LAMA5: variants seen among roughly 807,000 people sequenced by gnomAD.
LAMA5 encodes laminin subunit alpha-5.
In LAMA5, 260 loss-of-function variants were observed where a neutral mutation model predicts 433.4. The observed-to-expected ratio is 0.60, with a 90% CI of 0.54 to 0.66. LAMA5 has a LOEUF of 0.66. Ranked by LOEUF, LAMA5 falls within the 30% of genes least tolerant of loss-of-function variation. The pLI, the probability that LAMA5 is intolerant of heterozygous loss-of-function variation, is 0.00. For missense variants in LAMA5, 5,378 were observed against 5,258.5 expected, an observed-to-expected ratio of 1.02 and a Z score of -0.70; for synonymous variants, 2,620 against 2,226.6, an observed-to-expected ratio of 1.18 and a Z score of -4.97.
chr20:62,323,234 G>GGGGCCTGATCGCTGGGGCGGGA (rs879307764), intron 45 of LAMA5, among the ~76,000 whole-genome samples: 77 of 132,302 alleles, frequency 5.8e-4, no homozygotes, highest in African/African-American at 1.3e-3. Context: ...TGATGGTGAA[G>GGGGCCTGATCGCTGGGGCGGGA]GGGCCTGATC....
Position 62,338,308 on chromosome 20 carries a change from G to C in LAMA5, c.1680C>G (p.Cys560Trp). 6.2e-7 allele frequency: 1 copy of C among 1,606,062 alleles called. No individual in the cohort carries two copies. Among genetic ancestry groups the C allele is most frequent in the Non-Finnish European group, 8.5e-7 (1 of 1,176,756 alleles). The change falls in exon 13 of 80, where the codon TGC (cysteine) becomes TGG (tryptophan). Residue 560 changes from cysteine (C) to tryptophan (W), a missense_variant. Transcript: ENST00000252999. ...DDRCDPDTGQ[C>W]RCRVGFEGAT... is the part of the protein sequence containing the mutation. ...CCCCCTCGAAGCCCACTCGGCACCT[G>C]CACTGGCCTGTGTCAGGGTCACAGC...
At chr20:62,330,641 G>A in intron 30 of LAMA5, 27 bp from the exon 31 acceptor site, 1 of 1,579,210 alleles carries the variant, frequency 6.3e-7, no homozygotes, top group African/African-American at 1.3e-5. Flanking sequence ...TAGTGAGCAG[G>A]CTGAGCTATG....
At chr20:62,346,640 A>AC (rs1249871626) in intron 8 of LAMA5, 42 bp downstream of exon 8, 1 of 1,610,160 alleles carries the variant, frequency 6.2e-7, no homozygotes, top group East Asian at 2.2e-5. Flanking sequence ...TCCCTGCCCC[A>AC]CCTCAGGGCC....
At position 62,316,956 on chromosome 20, in the gene LAMA5, G is replaced by A. The variant is rs756250563; in HGVS notation, c.7579C>T (p.Arg2527Cys). 1.8e-5 allele frequency: 29 copies of A among 1,569,254 alleles called. No homozygotes were observed. The highest frequency in any genetic ancestry group is 1.1e-4 in the East Asian group (5 of 44,038). ...RAIEASNAYSRILQAVQAAED... is the reference protein window; with the variant it reads ...RAIEASNAYSCILQAVQAAED... ...GCAGCCTGCACGGCCTGCAGGATGC[G>A]GCTGTAGGCGTTGGAGGCCTCGATG... The change falls in exon 56 of 80, where the codon CGC becomes TGC. Residue 2527 changes from arginine to cysteine, a missense_variant. Coordinates refer to ENST00000252999, the MANE Select transcript of LAMA5 (RefSeq NM_005560.6).
Position 62,325,505 on chromosome 20 carries a change from G to A in LAMA5, c.5340C>T (p.Arg1780=), listed in dbSNP as rs201449468. Residue 1780 remains arginine (R), a synonymous_variant, in exon 41 of 80, where the codon CGC becomes CGT. Transcript: ENST00000252999. ...TGGCCAGCACCATCATGAGCTCCTC[G>A]CGGGACACAGTGTTGCGCGTCTCCG... ...RHTETRNTVS[R]EELMMVLASL... is the part of the protein sequence containing the mutation. The A allele has an allele frequency of 1.5e-4, 237 of 1,612,590 alleles. No individual in the cohort carries two copies. The highest frequency in any genetic ancestry group is 1.7e-4 in the Non-Finnish European group (200 of 1,179,756).
Position 62,325,549 on chromosome 20 carries a change from G to A in LAMA5, c.5299-3C>T. 3 of 1,597,424 alleles carry A rather than the reference G, an allele frequency of 1.9e-6. No homozygotes were observed. Among genetic ancestry groups the A allele is most frequent in the South Asian group, 1.1e-5 (1 of 89,298 alleles). On this transcript the variant is annotated splice_region_variant and splice_polypyrimidine_tract_variant and intron_variant, in intron 40 of 79. Coordinates refer to ENST00000252999, the MANE Select transcript of LAMA5 (RefSeq NM_005560.6). ...GTCTCCGTATGCCGGAAGTTCCCCT[G>A]TGGGTCCAGGATGGCACCTCAGTGG...
chr20:62,340,498 A>G lies in LAMA5; in HGVS notation c.1478-1890T>C, dbSNP rs538267218. ...AGCTTATTTTGTATTTTTAGTAGAGACGGGGTTTCTCCATGTTGGTCAGGC... is the reference window on the plus strand; with the variant it reads ...AGCTTATTTTGTATTTTTAGTAGAGGCGGGGTTTCTCCATGTTGGTCAGGC... On this transcript the variant is annotated intron_variant, in intron 11 of 79. Coordinates refer to ENST00000252999, the MANE Select transcript of LAMA5 (RefSeq NM_005560.6). 4.6e-5 allele frequency among the ~76,000 whole-genome samples: 7 copies of G among 151,046 alleles called. No individual in the cohort carries two copies. In the South Asian group the frequency reaches 1.3e-3, roughly 27 times the overall value.
chr20:62,313,728 G>A lies in LAMA5; in HGVS notation c.8579C>T (p.Ala2860Val), dbSNP rs1285488968. ...MIQETKGDTVAPGAEGLLNLR... is the reference protein window; with the variant it reads ...MIQETKGDTVVPGAEGLLNLR... ...GTTGAGCAGCCCCTCTGCCCCAGGG[G>A]CCACCGTGTCACCCTTGGTTTCCTG... is the stretch of plus-strand genomic sequence containing the variant. The change falls in exon 63 of 80, where the codon GCC (alanine) becomes GTC (valine). Residue 2860 changes from alanine (A) to valine (V), a missense_variant. Physicochemically the swap from Ala to Val is moderately conservative, Grantham distance 64. Transcript: ENST00000252999. The A allele has an allele frequency of 1.2e-6, 2 of 1,612,818 alleles. No individual in the cohort carries two copies. The highest frequency in any genetic ancestry group is 2.7e-5 in the African/African-American group (2 of 74,944).
At chr20:62,362,095 C>A (rs1986191198) in intron 2 of LAMA5, among the ~76,000 whole-genome samples, 1 of 152,248 alleles carries the variant, frequency 6.6e-6, no homozygotes, top group Non-Finnish European at 1.5e-5. Context: ...CACAGCACCT[C>A]CGCCCTCCCA....
intron 11 of LAMA5, among the ~76,000 whole-genome samples, chr20:62,339,032 G>A (rs1267389942): frequency 3.4e-4 from 35 of 102,034 alleles, no homozygotes; most frequent in Non-Finnish European, 2.0e-4. Context: ...GTGAGACTCC[G>A]TCTCAAAAAA....
intron 28 of LAMA5, among the ~76,000 whole-genome samples, chr20:62,331,780 G>T (rs1980509569): frequency 6.6e-6 from 1 of 152,224 alleles, no homozygotes; most frequent in South Asian, 2.1e-4. Context: ...GGCCAGGTAT[G>T]GTGGCTCCTG....
chr20:62,357,679 A>G (rs1299021447), intron 2 of LAMA5, among the ~76,000 whole-genome samples: 1 of 152,076 alleles, frequency 6.6e-6, no homozygotes, highest in Non-Finnish European at 1.5e-5. Context: ...AAAAATAACA[A>G]CTCTGAGGCC....
chr20:62,321,896 C>G, intron 48 of LAMA5, 123 bp downstream of exon 48: 1 of 965,742 alleles, frequency 1.0e-6, no homozygotes, highest in Non-Finnish European at 1.6e-6. Context: ...ATGGGTCTCT[C>G]GGGAAATGGA....
intron 58 of LAMA5, among the ~76,000 whole-genome samples, chr20:62,315,710 A>C (rs996925995): frequency 6.6e-6 from 1 of 151,386 alleles, no homozygotes. Flanking sequence ...TCCCACCTAT[A>C]ACTCCATTTC....
chr20:62,316,787 GGCAGACCGTGGCTCAGACAC>G lies in LAMA5; in HGVS notation c.7654-34_7654-15del. On this transcript the variant is annotated splice_polypyrimidine_tract_variant and intron_variant, in intron 56 of 79. Coordinates refer to ENST00000252999, the MANE Select transcript of LAMA5 (RefSeq NM_005560.6). ...CCGCACCACCGTCTGTGGATGCCAGGGCAGACCGTGGCTCAGACACGCAGGCCGGGGCTGCGGGAGGTGCA... is the reference window on the plus strand; with the variant it reads ...CCGCACCACCGTCTGTGGATGCCAGGGCAGGCCGGGGCTGCGGGAGGTGCA... 4 of 1,590,488 alleles carry G rather than the reference GGCAGACCGTGGCTCAGACAC, an allele frequency of 2.5e-6. No individual in the cohort carries two copies. Among genetic ancestry groups the G allele is most frequent in the Non-Finnish European group, 3.4e-6 (4 of 1,167,966 alleles).
At chr20:62,347,770 C>T (rs1225733812) in intron 6 of LAMA5, among the ~76,000 whole-genome samples, 4 of 152,198 alleles carry the variant, frequency 2.6e-5, no homozygotes, top group Admixed American at 6.5e-5. Flanking sequence ...GCTGCAGGGC[C>T]GTGCGTTCCC....
intron 73 of LAMA5, 30 bp from the exon 74 acceptor site, chr20:62,311,124 G>A (rs763248420): frequency 1.1e-5 from 17 of 1,563,556 alleles, no homozygotes; most frequent in South Asian, 8.3e-5. Context: ...CAGCCTGCGC[G>A]GCCCCTCTCA....
intron 3 of LAMA5, 108 bp from the exon 4 acceptor site, chr20:62,352,468 A>G (rs1984501095): frequency 2.6e-6 from 2 of 783,274 alleles, no homozygotes; most frequent in Non-Finnish European, 4.2e-6. Flanking sequence ...AGGCTCCCAC[A>G]GGCCAAGAGG....
At chr20:62,353,935 C>T (rs754213463) in intron 2 of LAMA5, among the ~76,000 whole-genome samples, 11 of 152,098 alleles carry the variant, frequency 7.2e-5, no homozygotes, top group Non-Finnish European at 1.2e-4. Flanking sequence ...GAGTCTGCCT[C>T]GGAGACTCCA....
Sources: allele counts gnomAD v4.1 joint callset (sites outside exome capture counted in the v4.1 genomes callset), GRCh38; gene constraint gnomAD v4.1.1; transcripts MANE v1.5; gene names NCBI Gene and HGNC (gene_info 2026-07-23, HGNC 2026-07-21).